Variants in LRRTM4 observed in about 807,000 individuals in gnomAD.
The protein encoded by LRRTM4 is leucine-rich repeat transmembrane neuronal protein 4.
Under a neutral mutation model 47.6 loss-of-function variants are expected in LRRTM4, and 25 were observed. That is an observed-to-expected ratio of 0.53 (90% CI 0.38 to 0.73). The LOEUF is 0.73. LRRTM4 is among the 30% of genes least tolerant of loss of function. LRRTM4 has a pLI of 0.00. For synonymous variants in LRRTM4, 311 were observed against 269.5 expected (o/e 1.15, Z -1.51); for missense variants, 638 against 713.4 (o/e 0.89, Z 1.20).
At chr2:77,128,777 T>A (rs1417737189) in intron 3 of LRRTM4, among the ~76,000 whole-genome samples, 1 of 151,946 alleles carries the variant, frequency 6.6e-6, no homozygotes, top group African/African-American at 2.4e-5. Context: ...GTAGCTGGGA[T>A]TACAGGCGCC....
intron 3 of LRRTM4, among the ~76,000 whole-genome samples, chr2:77,252,292 C>A (rs1675640259): frequency 6.6e-6 from 1 of 152,130 alleles, no homozygotes; most frequent in South Asian, 2.1e-4. Flanking sequence ...CCTGCATTGG[C>A]ATATATGGTA....
At chr2:77,225,003 G>T (rs998838136) in intron 3 of LRRTM4, among the ~76,000 whole-genome samples, 1 of 150,770 alleles carries the variant, frequency 6.6e-6, no homozygotes, top group African/African-American at 2.4e-5. Flanking sequence ...AGAAAATGTG[G>T]CACATCTACA....
intron 3 of LRRTM4, among the ~76,000 whole-genome samples, chr2:77,353,093 C>T (rs1558702684): frequency 6.6e-6 from 1 of 152,036 alleles, no homozygotes; most frequent in East Asian, 1.9e-4. Context: ...ATTTAAAATG[C>T]TTTTACTTAC....
At chr2:76,771,871 T>C (rs1187122312) in intron 3 of LRRTM4, among the ~76,000 whole-genome samples, 2 of 151,562 alleles carry the variant, frequency 1.3e-5, no homozygotes, top group Admixed American at 1.3e-4. Context: ...CGATGAGGAG[T>C]TTGAGGGACA....
intron 3 of LRRTM4, among the ~76,000 whole-genome samples, chr2:76,796,071 T>C (rs1675298427): frequency 7.8e-6 from 1 of 128,540 alleles, no homozygotes; most frequent in Admixed American, 7.7e-5. Context: ...ACCTGGAAAA[T>C]CGGGTCACTC....
At chr2:77,236,659 T>C (rs1280909028) in intron 3 of LRRTM4, among the ~76,000 whole-genome samples, 1 of 152,158 alleles carries the variant, frequency 6.6e-6, no homozygotes, top group Non-Finnish European at 1.5e-5. Flanking sequence ...AGCTGTGGGT[T>C]TGTCATAGAT....
At chr2:77,224,616 C>T (rs952975182) in intron 3 of LRRTM4, among the ~76,000 whole-genome samples, 3 of 152,178 alleles carry the variant, frequency 2.0e-5, no homozygotes, top group African/African-American at 7.2e-5. Context: ...AAAAAATGCT[C>T]ATCATCACTG....
intron 3 of LRRTM4, among the ~76,000 whole-genome samples, chr2:76,890,112 C>T (rs1053699526): frequency 1.3e-5 from 2 of 151,940 alleles, no homozygotes; most frequent in African/African-American, 2.4e-5. Flanking sequence ...AAAAGCAAGA[C>T]GGAATCTGAG....
chr2:76,947,451 G>A (rs1302888408), intron 3 of LRRTM4, among the ~76,000 whole-genome samples: 1 of 151,716 alleles, frequency 6.6e-6, no homozygotes, highest in Non-Finnish European at 1.5e-5. Flanking sequence ...ACAATAATGT[G>A]GGAATAATGA....
intron 3 of LRRTM4, among the ~76,000 whole-genome samples, chr2:76,987,679 C>G (rs1467501609): frequency 6.6e-6 from 1 of 151,612 alleles, no homozygotes; most frequent in African/African-American, 2.4e-5. Flanking sequence ...AGTTTTAAGC[C>G]ACATTAGTTT....
chr2:76,757,381 C>T lies in LRRTM4; in HGVS notation c.1552-8465G>A, dbSNP rs372928360. ...GATCCATTTCCATCTTTATTGCTCT[C>T]CTACCAGGATTTGTTGTCTATGAGG... On this transcript the variant is annotated intron_variant, in intron 3 of 3. Transcript: ENST00000409884. Among the ~76,000 whole-genome samples, 30 of 152,168 alleles carry T rather than the reference C, an allele frequency of 2.0e-4. 1 individual carries two copies. The South Asian group carries it at 6.0e-3, about 30-fold the overall frequency.
chr2:76,858,262 G>A (rs1258168706), intron 3 of LRRTM4, among the ~76,000 whole-genome samples: 1 of 152,108 alleles, frequency 6.6e-6, no homozygotes, highest in Non-Finnish European at 1.5e-5. Flanking sequence ...CCAACCAGGT[G>A]AACGCCTGAA....
At chr2:77,217,624 T>G (rs1389464866) in intron 3 of LRRTM4, among the ~76,000 whole-genome samples, 1 of 151,680 alleles carries the variant, frequency 6.6e-6, no homozygotes, top group Non-Finnish European at 1.5e-5. Context: ...CCATTTGCTG[T>G]GTTGCTGAAA....
At chr2:77,478,042 T>C (rs1677507780) in intron 3 of LRRTM4, among the ~76,000 whole-genome samples, 1 of 152,088 alleles carries the variant, frequency 6.6e-6, no homozygotes, top group South Asian at 2.1e-4. Context: ...CTCATAGTTT[T>C]CCAGTATCCT....
intron 3 of LRRTM4, among the ~76,000 whole-genome samples, chr2:77,391,308 T>C (rs1266191745): frequency 2.0e-5 from 3 of 152,038 alleles, no homozygotes; most frequent in Non-Finnish European, 4.4e-5. Flanking sequence ...TGGGAAACTC[T>C]GCAGATGGTT....
At position 77,518,475 on chromosome 2, in the gene LRRTM4, C is replaced by A; in HGVS notation, c.1394G>T (p.Arg465Met). The A allele has an allele frequency of 6.2e-7, 1 of 1,613,380 alleles. No homozygotes were observed. Among genetic ancestry groups the A allele is most frequent in the Non-Finnish European group, 8.5e-7 (1 of 1,179,628 alleles). The change falls in exon 3 of 4, where the codon AGG becomes ATG. Residue 465 changes from arginine to methionine, a missense_variant. By Grantham distance (91) the Arg-to-Met change is moderately conservative. Coordinates refer to ENST00000409884, the MANE Select transcript of LRRTM4 (RefSeq NM_001134745.3). ...AGACTCTCTGGCCTTTTTCCGCCGC[C>A]TCTTCATAAGAGAGTGTTGCTGGAG... is the stretch of plus-strand genomic sequence containing the variant. ...KQLQQHSLMK[R>M]RRKKARESER...
At chr2:77,117,809 G>A (rs1671427519) in intron 3 of LRRTM4, among the ~76,000 whole-genome samples, 1 of 151,654 alleles carries the variant, frequency 6.6e-6, no homozygotes, top group South Asian at 2.1e-4. Context: ...AAACATTTAT[G>A]GGTCCTGGAC....
chr2:76,886,367 G>A (rs1367909083), intron 3 of LRRTM4, among the ~76,000 whole-genome samples: 3 of 152,066 alleles, frequency 2.0e-5, no homozygotes, highest in African/African-American at 7.2e-5. Flanking sequence ...ATCTGATGGT[G>A]CATAAATTTT....
rs192896973 is a variant in LRRTM4, at chr2:77,420,186, T to A, written c.1551+98132A>T. Among the ~76,000 whole-genome samples, 109 of 152,286 alleles carry A rather than the reference T, an allele frequency of 7.2e-4. 1 individual carries two copies. Among genetic ancestry groups the A allele is most frequent in the African/African-American group, 2.3e-3 (97 of 41,554 alleles). ...GTCCTCTCCAGCTGTTGCTGGGAGA[T>A]CTCCCTCAGTGTCTTGTCATGTGGA... On this transcript the variant is annotated intron_variant, in intron 3 of 3. Coordinates refer to ENST00000409884, the MANE Select transcript of LRRTM4 (RefSeq NM_001134745.3).
Sources: gnomAD v4.1 joint callset for allele counts (sites outside exome capture counted in the v4.1 genomes callset) on GRCh38, gnomAD v4.1.1 for gene constraint, MANE v1.5 for transcripts, NCBI Gene and HGNC (gene_info 2026-07-23, HGNC 2026-07-21) for gene names.